LDLRAD4: variants seen among roughly 807,000 people sequenced by gnomAD.
The protein encoded by LDLRAD4 is low density lipoprotein receptor class A domain containing 4, also known as low-density lipoprotein receptor class A domain-containing protein 4.
Under a neutral mutation model 17.0 loss-of-function variants are expected in LDLRAD4, and 5 were observed. The ratio of observed to expected loss-of-function variants is 0.29; its 90% CI spans 0.15 to 0.62. LDLRAD4 has a LOEUF of 0.62. Among genes scored for constraint, LDLRAD4 ranks in the 20% least tolerant of loss-of-function variants. The pLI, the probability that LDLRAD4 is intolerant of heterozygous loss-of-function variation, is 0.84. For synonymous variants in LDLRAD4, 168 were observed against 171.8 expected, an observed-to-expected ratio of 0.98 and a Z score of 0.17; for missense variants, 340 against 424.7, an observed-to-expected ratio of 0.80 and a Z score of 1.75.
rs1163050416 is a variant in LDLRAD4 at position 13,342,190 on chromosome 18, GTTTTC to G, written c.-382-45143_-382-45139del. Among the ~76,000 whole-genome samples, 109 of 152,132 alleles carry G rather than the reference GTTTTC, an allele frequency of 7.2e-4. 1 individual carries two copies. The highest frequency in any genetic ancestry group is 2.3e-3 in the African/African-American group (96 of 41,522). ...TATTCATAAGAAATATTGGTTTGTA[GTTTTC>G]TTTTCTTATAATGTCTTGGTATAGT... On this transcript the variant is annotated intron_variant, in intron 1 of 5. Coordinates refer to ENST00000359446, the Ensembl canonical transcript of LDLRAD4.
chr18:13,637,429 G>A (rs2042172412), intron 4 of LDLRAD4, among the ~76,000 whole-genome samples: 1 of 152,036 alleles, frequency 6.6e-6, no homozygotes, highest in Non-Finnish European at 1.5e-5. Flanking sequence ...AGCTCCTGAA[G>A]AAATCTGGAA....
chr18:13,222,157 C>A (rs1208576764), intron 1 of LDLRAD4, among the ~76,000 whole-genome samples: 1 of 151,930 alleles, frequency 6.6e-6, no homozygotes, highest in Non-Finnish European at 1.5e-5. Context: ...TCCTCTGTAC[C>A]CCCTTCTCAA....
intron 5 of LDLRAD4, among the ~76,000 whole-genome samples, chr18:13,644,223 A>G (rs747338710): frequency 1.3e-5 from 2 of 152,082 alleles, no homozygotes; most frequent in East Asian, 1.9e-4. Context: ...AATCGACCCA[A>G]TGCTTTGTAT....
chr18:13,402,028 A>G (rs2087263097), intron 2 of LDLRAD4, among the ~76,000 whole-genome samples: 1 of 152,234 alleles, frequency 6.6e-6, no homozygotes, highest in South Asian at 2.1e-4. Flanking sequence ...CGCTTTGCCA[A>G]ATCGCTCTTT....
At chr18:13,314,076 G>A (rs1308450175) in intron 1 of LDLRAD4, among the ~76,000 whole-genome samples, 6 of 152,018 alleles carry the variant, frequency 3.9e-5, no homozygotes, top group African/African-American at 1.2e-4. Context: ...TTTAAATATC[G>A]GTTTCTAAAT....
chr18:13,629,549 T>C (rs1315079290), intron 4 of LDLRAD4, among the ~76,000 whole-genome samples: 1 of 152,240 alleles, frequency 6.6e-6, no homozygotes, highest in Admixed American at 6.5e-5. Context: ...TGTAAACTGA[T>C]GCTAAAGGCA....
chr18:13,544,598 G>A (rs1365179859), intron 3 of LDLRAD4, among the ~76,000 whole-genome samples: 1 of 152,228 alleles, frequency 6.6e-6, no homozygotes, highest in Non-Finnish European at 1.5e-5. Flanking sequence ...GGAAAGCGGA[G>A]TTCGTGTGGG....
In LDLRAD4 at chr18:13,360,246, T is replaced by C. The variant is rs2083583095; in HGVS notation, c.-382-27095T>C. ...AAAAACATCACATCTCGGAGCCACT[T>C]TGGAAACAGGTTTATTTTAGTTTCA... is the stretch of plus-strand genomic sequence containing the variant. On this transcript the variant is annotated intron_variant, in intron 1 of 5. Coordinates refer to ENST00000359446, the Ensembl canonical transcript of LDLRAD4. Among the ~76,000 whole-genome samples, 3 of 152,222 alleles carry C rather than the reference T, an allele frequency of 2.0e-5. No individual in the cohort carries two copies. In the South Asian group the frequency reaches 6.2e-4, roughly 32 times the overall value.
intron 2 of LDLRAD4, among the ~76,000 whole-genome samples, chr18:13,394,020 G>T (rs2086471514): frequency 6.8e-6 from 1 of 147,538 alleles, no homozygotes; most frequent in Admixed American, 6.8e-5. Flanking sequence ...TTGCAATTTA[G>T]TAGGTGTAGA....
chr18:13,553,461 T>C (rs9965800), intron 3 of LDLRAD4, among the ~76,000 whole-genome samples: 9,032 of 152,256 alleles, frequency 0.059, 617 homozygotes, highest in African/African-American at 0.17. Flanking sequence ...AACACAGAAA[T>C]AAATTAAATT....
intron 1 of LDLRAD4, among the ~76,000 whole-genome samples, chr18:13,332,587 A>G (rs2143779102): frequency 6.6e-6 from 1 of 152,330 alleles, no homozygotes; most frequent in Admixed American, 6.5e-5. Context: ...ACCTGTGGCA[A>G]CCACTGATTC....
At chr18:13,438,480 T>C (rs2090815047) in intron 3 of LDLRAD4, 96 bp downstream of exon 4, 3 of 962,192 alleles carry the variant, frequency 3.1e-6, no homozygotes, top group Admixed American at 2.1e-5. Context: ...GGTTGTTTTC[T>C]GGTTAAGGAA....
At chr18:13,547,616 C>A (rs1486168251) in intron 3 of LDLRAD4, among the ~76,000 whole-genome samples, 1 of 152,226 alleles carries the variant, frequency 6.6e-6, no homozygotes, top group Non-Finnish European at 1.5e-5. Flanking sequence ...GGCCACTGTA[C>A]ATGGCCAGGC....
intron 4 of LDLRAD4, among the ~76,000 whole-genome samples, chr18:13,627,858 G>A (rs2041313114): frequency 6.6e-6 from 1 of 152,228 alleles, no homozygotes; most frequent in African/African-American, 2.4e-5. Flanking sequence ...GAGGGCAGAC[G>A]GTCCTGGGCA....
chr18:13,303,874 GC>G (rs2046753019), intron 1 of LDLRAD4, among the ~76,000 whole-genome samples: 1 of 152,214 alleles, frequency 6.6e-6, no homozygotes, highest in African/African-American at 2.4e-5. Flanking sequence ...GATCCTAGCT[GC>G]TCCATAAGAT....
chr18:13,412,951 G>T (rs184437967), intron 2 of LDLRAD4, among the ~76,000 whole-genome samples: 2 of 152,186 alleles, frequency 1.3e-5, no homozygotes, highest in Non-Finnish European at 2.9e-5. Context: ...TCCTGGATGC[G>T]CTGCTTCCTT....
At chr18:13,612,766 T>C in intron 3 of LDLRAD4, 1 of 1,613,972 alleles carries the variant, frequency 6.2e-7, no homozygotes, top group African/African-American at 1.3e-5. Context: ...GACCTGTTCT[T>C]AAAAAAAGGT....
intron 1 of LDLRAD4, among the ~76,000 whole-genome samples, chr18:13,253,950 G>A (rs938871796): frequency 3.9e-5 from 6 of 152,254 alleles, no homozygotes; most frequent in Non-Finnish European, 7.3e-5. Context: ...CCCTAGAGCC[G>A]AGGCCGCAGA....
chr18:13,589,222 G>A (rs11873527), intron 3 of LDLRAD4, among the ~76,000 whole-genome samples: 157 of 152,270 alleles, frequency 1.0e-3, no homozygotes, highest in African/African-American at 3.2e-3. Flanking sequence ...AAATGAGCCA[G>A]CATGCCCAGC....
Sources: gnomAD v4.1 joint callset for allele counts (sites outside exome capture counted in the v4.1 genomes callset) on GRCh38, gnomAD v4.1.1 for gene constraint, MANE v1.5 for transcripts, NCBI Gene and HGNC (gene_info 2026-07-23, HGNC 2026-07-21) for gene names.